The following PSD3 variants were observed in gnomAD, a reference collection of about 807,000 sequenced individuals.
The protein encoded by PSD3 is pleckstrin and Sec7 domain containing 3, also known as PH and SEC7 domain-containing protein 3.
A neutral mutation model predicts 105.5 loss-of-function variants in PSD3; 49 were observed. The ratio of observed to expected loss-of-function variants is 0.46; its 90% CI spans 0.37 to 0.59. PSD3 has a LOEUF of 0.59. Ranked by LOEUF, PSD3 falls within the 20% of genes least tolerant of loss-of-function variation. The probability of loss-of-function intolerance (pLI) is 0.00; values close to 1 mark genes in which losing one functional copy is unlikely to be tolerated. For synonymous variants in PSD3, 557 were observed against 457.8 expected (o/e 1.22, Z -2.77); for missense variants, 1,561 against 1,263.8 (o/e 1.24, Z -3.57).
intron 2 of PSD3, among the ~76,000 whole-genome samples, chr8:18,890,658 G>T (rs1244063792): frequency 1.3e-5 from 2 of 152,170 alleles, no homozygotes; most frequent in Non-Finnish European, 2.9e-5. Flanking sequence ...ATGTAATAAA[G>T]AGGTAATTAC....
intron 10 of PSD3, among the ~76,000 whole-genome samples, chr8:18,647,838 T>C (rs1248927781): frequency 6.6e-6 from 1 of 152,138 alleles, no homozygotes; most frequent in South Asian, 2.1e-4. Flanking sequence ...AGTTAAGTCA[T>C]CATGAGATCT....
intron 1 of PSD3, among the ~76,000 whole-genome samples, chr8:18,994,203 T>C (rs533745485): frequency 2.0e-5 from 3 of 151,540 alleles, no homozygotes; most frequent in African/African-American, 7.3e-5. Flanking sequence ...GCTAAAAATG[T>C]ATTATCTGGA....
At chr8:18,782,790 C>A (rs1314283044) in intron 8 of PSD3, among the ~76,000 whole-genome samples, 1 of 152,126 alleles carries the variant, frequency 6.6e-6, no homozygotes, top group African/African-American at 2.4e-5. Context: ...TGGGTGCCAG[C>A]AGTTAGGGGT....
chr8:18,602,210 C>G (rs1419206512), intron 11 of PSD3, among the ~76,000 whole-genome samples: 1 of 152,136 alleles, frequency 6.6e-6, no homozygotes, highest in Non-Finnish European at 1.5e-5. Context: ...ATCTACACAT[C>G]TACGTTTCTA....
chr8:18,557,429 C>G (rs767072652), intron 14 of PSD3: 1 of 153,416 alleles, frequency 6.5e-6, no homozygotes, highest in Non-Finnish European at 1.5e-5. Flanking sequence ...TAGAAGAAAA[C>G]GTGTCCAGAA....
At chr8:18,605,353 G>C (rs1406855488) in intron 11 of PSD3, among the ~76,000 whole-genome samples, 1 of 144,180 alleles carries the variant, frequency 6.9e-6, no homozygotes, top group Non-Finnish European at 1.5e-5. Flanking sequence ...CTGGGTTTCA[G>C]ACTTCTATGG....
intron 12 of PSD3, among the ~76,000 whole-genome samples, chr8:18,579,831 T>A (rs960083256): frequency 6.6e-6 from 1 of 152,180 alleles, no homozygotes; most frequent in South Asian, 2.1e-4. Flanking sequence ...CAATGTACTA[T>A]TTACTTCATG....
chr8:18,708,305 A>G (rs1430085940), intron 9 of PSD3, among the ~76,000 whole-genome samples: 1 of 152,198 alleles, frequency 6.6e-6, no homozygotes, highest in Non-Finnish European at 1.5e-5. Flanking sequence ...ATTGTATGGA[A>G]GGGCCAAATA....
At chr8:19,077,908 T>G (rs1183996048) in intron 1 of PSD3, among the ~76,000 whole-genome samples, 10 of 152,210 alleles carry the variant, frequency 6.6e-5, no homozygotes, top group African/African-American at 2.4e-4. Context: ...CCCAGAGAAC[T>G]AATGTAAAGT....
chr8:18,819,952 C>G (rs1010934330), intron 4 of PSD3, among the ~76,000 whole-genome samples: 3 of 152,170 alleles, frequency 2.0e-5, no homozygotes, highest in African/African-American at 7.2e-5. Context: ...TACCTGTGCA[C>G]AACGCAAAAT....
At position 18,614,625 on chromosome 8, in the gene PSD3, A is replaced by T. The variant is rs575857624; in HGVS notation, c.2411-14191T>A. Among the ~76,000 whole-genome samples the T allele has an allele frequency of 9.9e-5, 15 of 152,240 alleles. No homozygotes were observed. In the South Asian group the frequency reaches 3.1e-3, roughly 32 times the overall value. On this transcript the variant is annotated intron_variant, in intron 11 of 15. Transcript: ENST00000327040. Reference sequence around the variant, plus strand: ...AATTAAAGAATGAACATTTGTGACAAGTGACTTCAAACTTCTATCAAACAA... The same window carrying T: ...AATTAAAGAATGAACATTTGTGACATGTGACTTCAAACTTCTATCAAACAA...
intron 12 of PSD3, among the ~76,000 whole-genome samples, chr8:18,576,476 T>C (rs1045502733): frequency 6.6e-6 from 1 of 152,188 alleles, no homozygotes; most frequent in African/African-American, 2.4e-5. Flanking sequence ...TATGTACCTG[T>C]TACTAATTCC....
At chr8:19,055,856 C>A (rs776340474) in intron 1 of PSD3, among the ~76,000 whole-genome samples, 10 of 152,170 alleles carry the variant, frequency 6.6e-5, no homozygotes, top group Non-Finnish European at 1.3e-4. Context: ...AAGCTGTTCA[C>A]CAAAGGTAGA....
intron 11 of PSD3, among the ~76,000 whole-genome samples, chr8:18,625,390 C>T (rs748418357): frequency 1.3e-5 from 2 of 152,110 alleles, no homozygotes; most frequent in South Asian, 2.1e-4. Flanking sequence ...CATGGCCCTA[C>T]TGTACTTCTC....
At chr8:18,831,508 G>A (rs553693926) in intron 4 of PSD3, among the ~76,000 whole-genome samples, 6 of 152,248 alleles carry the variant, frequency 3.9e-5, no homozygotes, top group Admixed American at 3.9e-4. Context: ...GATCACCCGA[G>A]GTCCGGAGTT....
intron 9 of PSD3, among the ~76,000 whole-genome samples, chr8:18,666,293 C>T (rs1053179086): frequency 2.6e-5 from 4 of 152,210 alleles, no homozygotes; most frequent in Non-Finnish European, 5.9e-5. Flanking sequence ...TCAGGTGATC[C>T]GCCCGCTTTG....
At chr8:18,582,710 T>A (rs565991549) in intron 12 of PSD3, among the ~76,000 whole-genome samples, 2 of 152,056 alleles carry the variant, frequency 1.3e-5, no homozygotes, top group African/African-American at 4.8e-5. Flanking sequence ...AGTAGAGCTA[T>A]GTTTCCCCCT....
intron 15 of PSD3, among the ~76,000 whole-genome samples, chr8:18,540,933 C>T (rs371276270): frequency 2.0e-5 from 3 of 151,986 alleles, no homozygotes; most frequent in African/African-American, 4.8e-5. Flanking sequence ...CACTCCTATT[C>T]GAGGACCTGT....
rs532645613 is a variant in PSD3, at chr8:18,844,449, C to G, written c.1634+23225G>C. On this transcript the variant is annotated intron_variant, in intron 4 of 15. Coordinates refer to ENST00000327040, the MANE Select transcript of PSD3 (RefSeq NM_015310.4). Reference sequence around the variant, plus strand: ...TTCCTCTTTTTAGTTCAAGGTCTTACATGGAAACAACTTAAAGTAGACTTT... The same window carrying G: ...TTCCTCTTTTTAGTTCAAGGTCTTAGATGGAAACAACTTAAAGTAGACTTT... 8.4e-4 allele frequency among the ~76,000 whole-genome samples: 128 copies of G among 152,254 alleles called. 3 individuals are homozygous for G. In the South Asian group the frequency reaches 0.025, roughly 30 times the overall value.
Sources: allele counts gnomAD v4.1 joint callset (sites outside exome capture counted in the v4.1 genomes callset), GRCh38; gene constraint gnomAD v4.1.1; transcripts MANE v1.5; gene names NCBI Gene and HGNC (gene_info 2026-07-23, HGNC 2026-07-21).